Variants in ANKRD42 observed in about 807,000 individuals in gnomAD.
ANKRD42 encodes ankyrin repeat domain-containing protein 42.
ANKRD42 carries 43 observed loss-of-function variants against 51.5 expected under a neutral mutation model. The ratio of observed to expected loss-of-function variants is 0.83; its 90% CI spans 0.65 to 1.08. The LOEUF is 1.08. Among genes scored for constraint, ANKRD42 ranks in the 50% least tolerant of loss-of-function variants. The pLI is 0.00. For synonymous variants in ANKRD42, 203 were observed against 213.0 expected (o/e 0.95, Z 0.41); for missense variants, 608 against 629.3 (o/e 0.97, Z 0.36).
chr11:83,250,930 G>GT (rs1863663813), downstream of ANKRD42, among the ~76,000 whole-genome samples: 1 of 151,978 alleles, frequency 6.6e-6, no homozygotes, highest in African/African-American at 2.4e-5. Context: ...TAGAATTTTG[G>GT]TATTTACTCC....
chr11:83,215,232 G>T (rs1029589556), intron 5 of ANKRD42: 7 of 151,890 alleles, frequency 4.6e-5, no homozygotes, highest in Non-Finnish European at 8.8e-5. Context: ...TTTTCTTGTG[G>T]ATATATACCC....
intron 6 of ANKRD42, among the ~76,000 whole-genome samples, chr11:83,225,710 G>A (rs1012487967): frequency 9.4e-5 from 14 of 149,600 alleles, no homozygotes; most frequent in African/African-American, 3.4e-4. Context: ...AACCTGGGAG[G>A]TGGAGGTTGT....
At chr11:83,207,122 G>A (rs1003862404) in intron 3 of ANKRD42, among the ~76,000 whole-genome samples, 13 of 152,326 alleles carry the variant, frequency 8.5e-5, no homozygotes, top group South Asian at 2.1e-4. Context: ...AGGATGGCAG[G>A]AAGAGAGAAG....
intron 5 of ANKRD42, among the ~76,000 whole-genome samples, chr11:83,221,558 G>A (rs142119562): frequency 2.0e-5 from 3 of 152,144 alleles, no homozygotes; most frequent in Non-Finnish European, 4.4e-5. Context: ...TAATTTTCTT[G>A]TTGATTTTCT....
rs1862630262 is a variant in ANKRD42, at chr11:83,219,028, C to T, written c.587-5827C>T. Among the ~76,000 whole-genome samples the T allele has an allele frequency of 2.0e-5, 3 of 152,222 alleles. No individual in the cohort carries two copies. The South Asian group carries it at 6.2e-4, about 32-fold the overall frequency. Reference sequence around the variant, plus strand: ...CGCTTCTTTTTTAAGGTTTCAGGGTCAAATTTGTCCCAGTAATTCAGGATA... The same window carrying T: ...CGCTTCTTTTTTAAGGTTTCAGGGTTAAATTTGTCCCAGTAATTCAGGATA... On this transcript the variant is annotated intron_variant, in intron 5 of 10. Coordinates refer to ENST00000533342, the MANE Select transcript of ANKRD42 (RefSeq NM_001300975.2).
At chr11:83,216,533 C>T (rs948400979) in intron 5 of ANKRD42, among the ~76,000 whole-genome samples, 6 of 151,912 alleles carry the variant, frequency 3.9e-5, no homozygotes. Context: ...ACCGTGTTAG[C>T]CAGGATGGTC....
At position 83,211,331 on chromosome 11, in the gene ANKRD42, G is replaced by A. The variant is rs919305719; in HGVS notation, c.487G>A (p.Val163Met). Residue 163 changes from valine (V) to methionine (M), a missense_variant, in exon 5 of 11, where the codon GTG becomes ATG. Physicochemically the swap from Val to Met is conservative, Grantham distance 21. Transcript: ENST00000533342. ...SVTDKREWRPVHYAAFHGRLG... is the reference protein window; with the variant it reads ...SVTDKREWRPMHYAAFHGRLG... ...GACTGATAAGAGAGAATGGAGACCT[G>A]TGCATTATGCAGCTTTTCATGGGCG... 8 of 1,614,194 alleles carry A rather than the reference G, an allele frequency of 5.0e-6. No individual in the cohort carries two copies. The highest frequency in any genetic ancestry group is 5.9e-6 in the Non-Finnish European group (7 of 1,180,024).
chr11:83,240,713 T>G, intron 8 of ANKRD42, 46 bp from the exon 9 acceptor site: 1 of 1,604,288 alleles, frequency 6.2e-7, no homozygotes, highest in Non-Finnish European at 8.5e-7. Context: ...CAGTTTCAGT[T>G]TGAAGAAGAT....
At chr11:83,204,383 GA>G (rs1861988855) in intron 2 of ANKRD42, among the ~76,000 whole-genome samples, 1 of 152,116 alleles carries the variant, frequency 6.6e-6, no homozygotes, top group African/African-American at 2.4e-5. Context: ...CACAGAAACA[GA>G]AAACGAAAAA....
At chr11:83,237,243 G>A (rs1177987123) in intron 8 of ANKRD42, among the ~76,000 whole-genome samples, 2 of 152,114 alleles carry the variant, frequency 1.3e-5, no homozygotes, top group East Asian at 3.8e-4. Flanking sequence ...GTATTACATG[G>A]TATGTGTAAG....
chr11:83,223,122 C>T (rs148317025), intron 5 of ANKRD42, among the ~76,000 whole-genome samples: 6 of 152,140 alleles, frequency 3.9e-5, no homozygotes, highest in Non-Finnish European at 8.8e-5. Flanking sequence ...TAGTGGCACA[C>T]ACCTGTAATC....
intron 5 of ANKRD42, among the ~76,000 whole-genome samples, chr11:83,221,670 A>T (rs746454420): frequency 1.3e-5 from 2 of 152,190 alleles, no homozygotes; most frequent in Non-Finnish European, 2.9e-5. Flanking sequence ...AGTGTAGCTC[A>T]TTCCAAATTG....
intron 3 of ANKRD42, among the ~76,000 whole-genome samples, chr11:83,208,354 C>G: frequency 6.7e-6 from 1 of 150,082 alleles, no homozygotes; most frequent in Non-Finnish European, 1.5e-5. Flanking sequence ...TTTTTATATA[C>G]GTGTGTGTGT....
At chr11:83,213,398 T>G in intron 5 of ANKRD42, 1 of 1,568,662 alleles carries the variant, frequency 6.4e-7, no homozygotes, top group South Asian at 1.1e-5. Context: ...GTGAAGAAAA[T>G]GAATAGACAG....
At chr11:83,245,700 A>G (rs901848338) in intron 10 of ANKRD42, 76 bp downstream of exon 10, 7 of 1,423,056 alleles carry the variant, frequency 4.9e-6, no homozygotes, top group Non-Finnish European at 6.5e-6. Context: ...TTGATCAGCA[A>G]CTTTTACTTT....
intron 5 of ANKRD42, among the ~76,000 whole-genome samples, chr11:83,215,962 T>G (rs2135513579): frequency 6.6e-6 from 1 of 152,204 alleles, no homozygotes; most frequent in African/African-American, 2.4e-5. Flanking sequence ...GCCCAGCTAA[T>G]TTTTGTATTT....
downstream of ANKRD42, among the ~76,000 whole-genome samples, chr11:83,256,279 T>C (rs555436554): frequency 6.6e-6 from 1 of 152,330 alleles, no homozygotes; most frequent in South Asian, 2.1e-4. Context: ...AATTCAATTA[T>C]GGTTCCACAA....
intron 5 of ANKRD42, chr11:83,214,459 A>G: frequency 2.0e-6 from 2 of 980,736 alleles, no homozygotes; most frequent in Non-Finnish European, 2.4e-6. Flanking sequence ...AAAAAATCCA[A>G]TTGTTTCTTT....
downstream of ANKRD42, chr11:83,259,254 T>A (rs887019276): frequency 6.6e-5 from 10 of 152,178 alleles, no homozygotes; most frequent in African/African-American, 2.4e-4. Context: ...TTTTAAGGCA[T>A]ATAGAAACAC....
Sources: gnomAD v4.1 joint callset for allele counts (sites outside exome capture counted in the v4.1 genomes callset) on GRCh38, gnomAD v4.1.1 for gene constraint, MANE v1.5 for transcripts, NCBI Gene and HGNC (gene_info 2026-07-23, HGNC 2026-07-21) for gene names.